NFYC: variants seen among roughly 807,000 people sequenced by gnomAD.
NFYC encodes nuclear transcription factor Y subunit gamma, also known as CAAT box DNA-binding protein subunit C.
In NFYC, 25 loss-of-function variants were observed where a neutral mutation model predicts 53.1. That is an observed-to-expected ratio of 0.47 (90% CI 0.34 to 0.66). NFYC has a LOEUF of 0.66. NFYC is among the 30% of genes least tolerant of loss of function. The probability of loss-of-function intolerance (pLI) is 0.01; values close to 1 mark genes in which losing one functional copy is unlikely to be tolerated. For missense variants in NFYC, 260 were observed against 422.7 expected (o/e 0.62, Z 3.38); for synonymous variants, 145 against 152.6 (o/e 0.95, Z 0.37).
chr1:40,740,533 GGCTTA>G (rs1645283046), intron 2 of NFYC, among the ~76,000 whole-genome samples: 2 of 152,302 alleles, frequency 1.3e-5, no homozygotes, highest in East Asian at 3.9e-4. Flanking sequence ...AGTTGAACTT[GGCTTA>G]GCCTTTCTCA....
chr1:40,730,564 G>A, intron 1 of NFYC: 1 of 985,352 alleles, frequency 1.0e-6, no homozygotes, highest in South Asian at 4.7e-5. Flanking sequence ...CATGACAGAG[G>A]AAGATATGAT....
chr1:40,696,024 G>GT lies in NFYC; in HGVS notation c.-9+4173dup, dbSNP rs35472258. 4.9e-3 allele frequency among the ~76,000 whole-genome samples: 670 copies of GT among 136,644 alleles called. 22 individuals are homozygous for GT. Among genetic ancestry groups the GT allele is most frequent in the African/African-American group, 9.3e-3 (344 of 36,978 alleles). 89.6% of individuals were successfully genotyped at this position (136,644 alleles called of 152,430 possible). A position where few individuals can be genotyped will look rare whatever the true frequency, so the allele number is the denominator to read the frequency against. ...GATTCAGACACGGATTTGTAATTCT[G>GT]TTTTTTTTTTTTTTTTGAGATAGAG... On this transcript the variant is annotated intron_variant, in intron 1 of 9. Transcript: ENST00000447388.
At chr1:40,726,978 A>C (rs1012641541) in intron 1 of NFYC, among the ~76,000 whole-genome samples, 8 of 151,668 alleles carry the variant, frequency 5.3e-5, no homozygotes, top group African/African-American at 1.9e-4. Context: ...ATAAGAAGCA[A>C]CTCCTCATCT....
At chr1:40,718,132 A>G (rs976441402) in intron 1 of NFYC, among the ~76,000 whole-genome samples, 2 of 152,236 alleles carry the variant, frequency 1.3e-5, no homozygotes, top group African/African-American at 4.8e-5. Context: ...TTCATTGGCC[A>G]GATGCCCATG....
At position 40,762,945 on chromosome 1, in the gene NFYC, C is replaced by T; in HGVS notation, c.619C>T (p.Gln207Ter). 2 of 1,611,568 alleles carry T rather than the reference C, an allele frequency of 1.2e-6. No homozygotes were observed. The highest frequency in any genetic ancestry group is 2.2e-5 in the South Asian group (2 of 90,802). The change falls in exon 7 of 10, where the codon CAG (glutamine) becomes TAG (stop). Residue 207 changes from glutamine (Q) to a stop codon, truncating the protein, a stop_gained. Coordinates refer to ENST00000447388, the MANE Select transcript of NFYC (RefSeq NM_014223.5). LOFTEE classifies it high-confidence loss of function. The part of the protein sequence containing the change: ...EGQQVQIVQA[Q>*]PQGQAQQAQS... Reference sequence around the variant, plus strand: ...TCAGCAGGTGCAGATTGTCCAGGCTCAGCCACAGGGTCAAGCCCAACAGGC... The same window carrying T: ...TCAGCAGGTGCAGATTGTCCAGGCTTAGCCACAGGGTCAAGCCCAACAGGC...
chr1:40,713,000 A>G (rs998429780), intron 1 of NFYC, among the ~76,000 whole-genome samples: 1 of 152,170 alleles, frequency 6.6e-6, no homozygotes, highest in Non-Finnish European at 1.5e-5. Context: ...TACAGGCATG[A>G]GCCATTGTGC....
chr1:40,698,681 G>T (rs1472005348), intron 1 of NFYC, among the ~76,000 whole-genome samples: 3 of 151,966 alleles, frequency 2.0e-5, no homozygotes, highest in Non-Finnish European at 2.9e-5. Flanking sequence ...GCCTGCCTCA[G>T]CCTCCACTGC....
At chr1:40,758,887 GTCAATCATTAT>G (rs1243187960) in intron 6 of NFYC, among the ~76,000 whole-genome samples, 1 of 152,192 alleles carries the variant, frequency 6.6e-6, no homozygotes, top group African/African-American at 2.4e-5. Flanking sequence ...CAAATTCTCT[GTCAATCATTAT>G]TTATTCATCA....
At chr1:40,767,591 T>C (rs1646882982) in intron 8 of NFYC, among the ~76,000 whole-genome samples, 1 of 152,168 alleles carries the variant, frequency 6.6e-6, no homozygotes, top group Non-Finnish European at 1.5e-5. Flanking sequence ...CAGCCCCTCT[T>C]TTTAACCTCA....
intron 1 of NFYC, among the ~76,000 whole-genome samples, chr1:40,732,893 C>T (rs1644835110): frequency 6.6e-6 from 1 of 151,728 alleles, no homozygotes; most frequent in African/African-American, 2.4e-5. Flanking sequence ...TGATTGCAGT[C>T]TTGCTTTAAA....
chr1:40,740,672 A>C (rs1645289884), intron 2 of NFYC, among the ~76,000 whole-genome samples: 2 of 152,210 alleles, frequency 1.3e-5, no homozygotes, highest in Non-Finnish European at 2.9e-5. Context: ...TGAAATGATA[A>C]AGTCAAAAGG....
intron 1 of NFYC, chr1:40,723,397 T>G (rs1644396247): frequency 6.6e-6 from 1 of 152,238 alleles, no homozygotes. Flanking sequence ...TTACTCACCA[T>G]TCTTCCTACA....
intron 1 of NFYC, among the ~76,000 whole-genome samples, chr1:40,724,457 A>G (rs1170054739): frequency 6.6e-6 from 1 of 152,236 alleles, no homozygotes; most frequent in Non-Finnish European, 1.5e-5. Context: ...GATGTGGCCT[A>G]TGAGCTGTAG....
At chr1:40,701,576 T>C (rs1426936496) in intron 1 of NFYC, among the ~76,000 whole-genome samples, 1 of 152,242 alleles carries the variant, frequency 6.6e-6, no homozygotes, top group Non-Finnish European at 1.5e-5. Flanking sequence ...AGCCTAAAAC[T>C]TACGTAAGCC....
At chr1:40,729,026 A>G (rs755318460) in intron 1 of NFYC, among the ~76,000 whole-genome samples, 21 of 152,244 alleles carry the variant, frequency 1.4e-4, no homozygotes, top group Non-Finnish European at 2.4e-4. Context: ...AGGTCTCAAC[A>G]GTGAGCTTAA....
At chr1:40,767,040 T>G in intron 8 of NFYC, 1 of 1,480,830 alleles carries the variant, frequency 6.8e-7, no homozygotes, top group Non-Finnish European at 9.2e-7. Context: ...TGTTTCCATC[T>G]TTAAACCCAA....
rs146608779 is a variant in NFYC at position 40,737,473 on chromosome 1, C to T, written c.-8-1363C>T. On this transcript the variant is annotated intron_variant, in intron 1 of 9. Transcript: ENST00000447388. ...CCTCCTGAGTAACTGGGATTACAAGCGTCTGCCGCCACGCCCGGCTAATTT... is the reference window on the plus strand; with the variant it reads ...CCTCCTGAGTAACTGGGATTACAAGTGTCTGCCGCCACGCCCGGCTAATTT... 8.6e-3 allele frequency among the ~76,000 whole-genome samples: 1,305 copies of T among 151,886 alleles called. 17 individuals are homozygous for T. The highest frequency in any genetic ancestry group is 0.029 in the African/African-American group (1,217 of 41,414).
Position 40,771,484 on chromosome 1 carries a change from A to G in NFYC, c.*656A>G. The G allele has an allele frequency of 2.1e-6, 1 of 469,422 alleles. No homozygotes were observed. Among genetic ancestry groups the G allele is most frequent in the Non-Finnish European group, 4.4e-6 (1 of 226,252 alleles). 29.1% of individuals were successfully genotyped at this position (469,422 alleles called of 1,614,324 possible). On this transcript the variant is annotated 3_prime_UTR_variant, in exon 10 of 10. Transcript: ENST00000447388. ...TTTTCTCCCAGGGACCCAGGAAACTAGGACTTTGTGTGTTTGCTGCCCACC... is the reference window on the plus strand; with the variant it reads ...TTTTCTCCCAGGGACCCAGGAAACTGGGACTTTGTGTGTTTGCTGCCCACC...
chr1:40,748,513 G>A (rs944308687), intron 3 of NFYC, among the ~76,000 whole-genome samples: 4 of 152,296 alleles, frequency 2.6e-5, no homozygotes, highest in African/African-American at 7.2e-5. Flanking sequence ...TCATCTTAGC[G>A]TCTTACATAG....
Sources: gnomAD v4.1 joint callset for allele counts (sites outside exome capture counted in the v4.1 genomes callset) on GRCh38, gnomAD v4.1.1 for gene constraint, MANE v1.5 for transcripts, NCBI Gene and HGNC (gene_info 2026-07-23, HGNC 2026-07-21) for gene names.